TNRC6C: variants seen among roughly 807,000 people sequenced by gnomAD.
TNRC6C encodes the protein trinucleotide repeat containing adaptor 6C.
In TNRC6C, 20 loss-of-function variants were observed where a neutral mutation model predicts 153.7. That is an observed-to-expected ratio of 0.13 (90% CI 0.09 to 0.19). The LOEUF (loss-of-function observed/expected upper bound fraction) is 0.19. TNRC6C is among the 10% of genes least tolerant of loss of function. The pLI is 1.00. For synonymous variants in TNRC6C, 811 were observed against 841.4 expected (o/e 0.96, Z 0.63); for missense variants, 1,987 against 2,172.0 (o/e 0.91, Z 1.69).
At chr17:78,103,903 A>T (rs2073642020) in intron 19 of TNRC6C, among the ~76,000 whole-genome samples, 1 of 152,194 alleles carries the variant, frequency 6.6e-6, no homozygotes, top group Non-Finnish European at 1.5e-5. Context: ...TTCCCGCCTT[A>T]AAGACCCCAT....
intron 1 of TNRC6C, among the ~76,000 whole-genome samples, chr17:77,986,426 AAAG>A (rs56405899): frequency 5.1e-4 from 72 of 141,044 alleles, no homozygotes; most frequent in African/African-American, 1.8e-3. Context: ...AAAAAAAAAA[AAAG>A]AAGAAGAAGA....
At chr17:77,994,273 G>A (rs923740967) in intron 1 of TNRC6C, among the ~76,000 whole-genome samples, 2 of 152,202 alleles carry the variant, frequency 1.3e-5, no homozygotes, top group East Asian at 1.9e-4. Flanking sequence ...TGAAACTCCT[G>A]TTATTCTCAC....
intron 1 of TNRC6C, among the ~76,000 whole-genome samples, chr17:78,006,832 T>A (rs8076215): frequency 0.4 from 56,088 of 141,420 alleles, 11,490 homozygotes; most frequent in Admixed American, 0.51. Context: ...TTATTTATTT[T>A]TTTTTTTTTT....
intron 1 of TNRC6C, among the ~76,000 whole-genome samples, chr17:77,985,082 C>T (rs527584890): frequency 3.3e-5 from 5 of 152,278 alleles, no homozygotes; most frequent in South Asian, 2.1e-4. Context: ...TCTAAAGCTA[C>T]GCCAGTTAAA....
At chr17:78,092,593 T>G (rs1401589048) in intron 14 of TNRC6C, among the ~76,000 whole-genome samples, 2 of 152,112 alleles carry the variant, frequency 1.3e-5, no homozygotes, top group Non-Finnish European at 2.9e-5. Context: ...ACTGAAACAG[T>G]CACTGGCCAG....
chr17:78,081,594 A>G (rs924467023), intron 10 of TNRC6C, among the ~76,000 whole-genome samples: 1 of 152,218 alleles, frequency 6.6e-6, no homozygotes, highest in Non-Finnish European at 1.5e-5. Context: ...CAGTGCAGAA[A>G]GAAGCAGTGC....
At chr17:78,100,262 G>A (rs185165604) in intron 17 of TNRC6C, among the ~76,000 whole-genome samples, 4 of 152,310 alleles carry the variant, frequency 2.6e-5, no homozygotes, top group Admixed American at 2.0e-4. Context: ...TTGTGTGGGG[G>A]CTCCAACCCC....
intron 1 of TNRC6C, among the ~76,000 whole-genome samples, chr17:77,980,126 T>TA (rs1410416135): frequency 2.6e-5 from 4 of 151,528 alleles, no homozygotes; most frequent in African/African-American, 9.7e-5. Context: ...CAGGAAGGAG[T>TA]AAAGAGCACT....
chr17:77,991,601 A>G (rs1329452642), intron 1 of TNRC6C, among the ~76,000 whole-genome samples: 1 of 152,198 alleles, frequency 6.6e-6, no homozygotes, highest in Non-Finnish European at 1.5e-5. Flanking sequence ...CAAACTTTGA[A>G]CAAGGATGCT....
intron 1 of TNRC6C, 135 bp from the exon 4 acceptor site, chr17:78,031,380 CT>C: frequency 1.7e-6 from 1 of 605,842 alleles, no homozygotes; most frequent in Non-Finnish European, 2.4e-6. Flanking sequence ...GAACTCTAGA[CT>C]TTAGTCCAGT....
chr17:78,016,327 G>A (rs914002902), intron 1 of TNRC6C, among the ~76,000 whole-genome samples: 6 of 152,236 alleles, frequency 3.9e-5, no homozygotes, highest in African/African-American at 1.4e-4. Flanking sequence ...GCCAGTACCT[G>A]CCAGGTCACA....
At chr17:78,093,004 G>A (rs762866999) in exon 15 of TNRC6C, 8 of 1,613,688 alleles carry the variant, frequency 5.0e-6, no homozygotes, top group South Asian at 2.2e-5. Context: ...TGGCCGGTAC[G>A]ATTTAATCCA....
intron 1 of TNRC6C, among the ~76,000 whole-genome samples, chr17:77,976,798 A>G: frequency 6.6e-6 from 1 of 151,940 alleles, no homozygotes; most frequent in Non-Finnish European, 1.5e-5. Context: ...GCGTGGTGGC[A>G]GGTGCTTATA....
At chr17:78,000,611 T>TCCC (rs1276820271), upstream of TNRC6C, among the ~76,000 whole-genome samples, 4 of 29,228 alleles carry the variant, frequency 1.4e-4, no homozygotes, top group Non-Finnish European at 2.0e-4. Context: ...TCTCTCTTTC[T>TCCC]CCCTCCGCCC....
intron 2 of TNRC6C, among the ~76,000 whole-genome samples, chr17:78,038,561 C>A (rs1318481618): frequency 6.6e-6 from 1 of 151,588 alleles, no homozygotes; most frequent in East Asian, 1.9e-4. Context: ...CGCCTGTAGT[C>A]CCAGCTACTC....
Position 78,050,729 on chromosome 17 carries a change from A to G in TNRC6C, c.1667A>G (p.His556Arg), listed in dbSNP as rs369184405. ...ACTGCTGCTGCTGCCAAGAGTGGCC[A>G]TGCTTGGAGTGGGGCCGCAAATCAG... Residue 556 changes from histidine (H) to arginine (R), a missense_variant, in exon 3 of 20, where the codon CAT becomes CGT. By Grantham distance (29) the His-to-Arg change is conservative (BLOSUM62 0). Transcript: ENST00000301624. 1.5e-5 allele frequency: 24 copies of G among 1,586,256 alleles called. No individual in the cohort carries two copies. In the African/African-American group the frequency reaches 2.1e-4, roughly 14 times the overall value.
At chr17:78,000,630 C>CAA (rs767782662), upstream of TNRC6C, among the ~76,000 whole-genome samples, 2 of 62,290 alleles carry the variant, frequency 3.2e-5, 1 homozygote, top group Non-Finnish European at 6.1e-5. Flanking sequence ...CCCCCCCCCC[C>CAA]CACACACACA....
chr17:77,959,854 C>T (rs575793908), intron 1 of TNRC6C, among the ~76,000 whole-genome samples: 1 of 152,288 alleles, frequency 6.6e-6, no homozygotes, highest in Middle Eastern at 3.4e-3. Flanking sequence ...GCCTGGTTGC[C>T]GCCTCTGCTT....
upstream of TNRC6C, among the ~76,000 whole-genome samples, chr17:78,004,892 A>C (rs923154737): frequency 6.6e-6 from 1 of 152,160 alleles, no homozygotes; most frequent in African/African-American, 2.4e-5. Flanking sequence ...AATGGCATGT[A>C]CACATTTTTC....
Sources: gnomAD v4.1 joint callset for allele counts (sites outside exome capture counted in the v4.1 genomes callset) on GRCh38, gnomAD v4.1.1 for gene constraint, MANE v1.5 for transcripts, NCBI Gene and HGNC (gene_info 2026-07-23, HGNC 2026-07-21) for gene names.